The following PIEZO2 variants were observed in gnomAD, a reference collection of about 807,000 sequenced individuals.
PIEZO2 encodes the protein piezo type mechanosensitive ion channel component 2.
Under a neutral mutation model 337.3 loss-of-function variants are expected in PIEZO2, and 172 were observed. The ratio of observed to expected loss-of-function variants is 0.51; its 90% CI spans 0.45 to 0.58. PIEZO2 has a LOEUF of 0.58. PIEZO2 is among the 20% of genes least tolerant of loss of function. The pLI, the probability that PIEZO2 is intolerant of heterozygous loss-of-function variation, is 0.00. For synonymous variants in PIEZO2, 1,251 were observed against 1,228.5 expected (o/e 1.02, Z -0.38); for missense variants, 3,028 against 3,391.3 (o/e 0.89, Z 2.66).
At chr18:11,098,040 T>C (rs2039308267) in intron 1 of PIEZO2, among the ~76,000 whole-genome samples, 1 of 152,152 alleles carries the variant, frequency 6.6e-6, no homozygotes, top group African/African-American at 2.4e-5. Flanking sequence ...GAATCTATTT[T>C]AAGGAAATAA....
At chr18:11,058,445 GAGA>G (rs1234074435) in intron 2 of PIEZO2, among the ~76,000 whole-genome samples, 1 of 152,192 alleles carries the variant, frequency 6.6e-6, no homozygotes. Flanking sequence ...GACAAGTTGA[GAGA>G]AGAAGACTTC....
intron 31 of PIEZO2, among the ~76,000 whole-genome samples, chr18:10,742,819 T>C (rs1172114655): frequency 6.6e-6 from 1 of 152,162 alleles, no homozygotes; most frequent in Admixed American, 6.5e-5. Flanking sequence ...TGTGTGTGTG[T>C]GTGTGTGTGT....
chr18:10,975,815 TTTGAATACTAC>T (rs2034421472), intron 3 of PIEZO2, among the ~76,000 whole-genome samples: 2 of 152,228 alleles, frequency 1.3e-5, no homozygotes, highest in Admixed American at 1.3e-4. Context: ...TGGTCTTGAA[TTTGAATACTAC>T]TTGAATATGA....
intron 14 of PIEZO2, among the ~76,000 whole-genome samples, 175 bp downstream of exon 14, chr18:10,791,026 C>T (rs777851042): frequency 6.6e-6 from 1 of 152,130 alleles, no homozygotes; most frequent in Non-Finnish European, 1.5e-5. Context: ...TTTTAGCACT[C>T]CTGTGCAACT....
intron 51 of PIEZO2, 98 bp from the exon 52 acceptor site, chr18:10,680,469 G>C (rs1399775243): frequency 8.6e-7 from 1 of 1,168,664 alleles, no homozygotes; most frequent in Admixed American, 2.4e-5. Flanking sequence ...TATGGAAAAG[G>C]TTTCTCCCTT....
intron 43 of PIEZO2, 128 bp from the exon 44 acceptor site, chr18:10,699,305 T>C: frequency 7.9e-7 from 1 of 1,268,794 alleles, no homozygotes; most frequent in Non-Finnish European, 1.1e-6. Flanking sequence ...ATGGTTTGGC[T>C]GTGTCCCCAT....
intron 3 of PIEZO2, among the ~76,000 whole-genome samples, chr18:10,921,051 C>T (rs2031360930): frequency 1.3e-5 from 2 of 152,086 alleles, no homozygotes; most frequent in Admixed American, 1.3e-4. Context: ...GAAACTCCGT[C>T]TCAAAAACAA....
At position 10,969,785 on chromosome 18, in the gene PIEZO2, T is replaced by G. The variant is rs2034162607; in HGVS notation, c.286+9750A>C. On this transcript the variant is annotated intron_variant, in intron 3 of 55. Coordinates refer to ENST00000674853, the MANE Select transcript of PIEZO2 (RefSeq NM_001378183.1). This position sits in a 1 kb window ranked among gnomAD's most constrained non-coding sequence, Gnocchi z 4.5. Reference sequence around the variant, plus strand: ...GCTCCTGGCCAAGAGAGGGCATGGGTGCACTTAGCCGCTCTCCTCAATTGT... The same window carrying G: ...GCTCCTGGCCAAGAGAGGGCATGGGGGCACTTAGCCGCTCTCCTCAATTGT... Among the ~76,000 whole-genome samples, 1 of 151,908 alleles carries G rather than the reference T, an allele frequency of 6.6e-6. No homozygotes were observed. Among genetic ancestry groups the G allele is most frequent in the Admixed American group, 6.6e-5 (1 of 15,254 alleles).
intron 1 of PIEZO2, among the ~76,000 whole-genome samples, chr18:11,075,148 C>T (rs2038484892): frequency 6.6e-6 from 1 of 152,208 alleles, no homozygotes; most frequent in Admixed American, 6.5e-5. Flanking sequence ...TTAAAACGAA[C>T]TGACAAAACA....
intron 4 of PIEZO2, among the ~76,000 whole-genome samples, chr18:10,907,316 G>T (rs1490221555): frequency 6.6e-6 from 1 of 152,030 alleles, no homozygotes; most frequent in Non-Finnish European, 1.5e-5. Flanking sequence ...GATGGCGGGT[G>T]CATGTAATCT....
rs554365276 is a variant in PIEZO2, at chr18:10,900,902, T to G, written c.329+10284A>C. Among the ~76,000 whole-genome samples, 14 of 152,286 alleles carry G rather than the reference T, an allele frequency of 9.2e-5. No individual in the cohort carries two copies. In the East Asian group the frequency reaches 2.5e-3, roughly 27 times the overall value. The stretch of plus-strand genomic sequence containing the variant: ...GTCAGCCACTAGCAAAGATTCAGAG[T>G]TTTCCCTGGACCCATGCTAATTATA... On this transcript the variant is annotated intron_variant, in intron 4 of 55. Transcript: ENST00000674853.
At position 10,671,796 on chromosome 18, in the gene PIEZO2, G is replaced by C. The variant is rs765470920; in HGVS notation, c.8346-17C>G. 6.3e-7 allele frequency: 1 copy of C among 1,589,788 alleles called. No homozygotes were observed. On this transcript the variant is annotated splice_polypyrimidine_tract_variant and intron_variant, in intron 55 of 55. Coordinates refer to ENST00000674853, the MANE Select transcript of PIEZO2 (RefSeq NM_001378183.1). ...CCCATAATACTGAAAAAAACAGTAA[G>C]TAGAAATTGCATACAGCAGTTAAAT...
At position 10,856,101 on chromosome 18, in the gene PIEZO2, A is replaced by G. The variant is rs1216188034; in HGVS notation, c.704-535T>C. Among the ~76,000 whole-genome samples the G allele has an allele frequency of 2.0e-5, 3 of 151,952 alleles. No individual in the cohort carries two copies. The highest frequency in any genetic ancestry group is 4.2e-4 in the South Asian group (2 of 4,806). On this transcript the variant is annotated intron_variant, in intron 6 of 55. Transcript: ENST00000674853. This position sits in a 1 kb window ranked among gnomAD's most constrained non-coding sequence, Gnocchi z 4.7. ...TTTTTGTAGGGATGGGGTTTTGCCA[A>G]GTAGCGCAGGTTGGTCTTGAACTCC...
chr18:11,136,253 C>T (rs1002409779), intron 1 of PIEZO2, among the ~76,000 whole-genome samples: 3 of 152,164 alleles, frequency 2.0e-5, no homozygotes, highest in Admixed American at 1.3e-4. Context: ...ATGGCAACCA[C>T]GATGATGCTT....
chr18:10,838,070 A>T (rs1291589680), intron 7 of PIEZO2, among the ~76,000 whole-genome samples: 1 of 151,864 alleles, frequency 6.6e-6, no homozygotes, highest in African/African-American at 2.4e-5. Flanking sequence ...TCCATGTTAC[A>T]CAAGCGTCTC....
At chr18:11,141,259 G>A (rs1050843859) in intron 1 of PIEZO2, among the ~76,000 whole-genome samples, 7 of 152,210 alleles carry the variant, frequency 4.6e-5, no homozygotes, top group Non-Finnish European at 8.8e-5. Context: ...CTACAAGCCT[G>A]TTGGGCTAAT....
Position 10,853,101 on chromosome 18 carries a change from GGTGAGGGAAGAGCACTTCAA to G in PIEZO2, c.917+2232_917+2251del, listed in dbSNP as rs1201489330. ...GGTACATGACCTTGTAGGAGCATTC[GGTGAGGGAAGAGCACTTCAA>G]GTGAGCGAAGAGCACTTCAAGTGAG... On this transcript the variant is annotated intron_variant, in intron 7 of 55. Transcript: ENST00000674853. This position sits in a 1 kb window ranked among gnomAD's most constrained non-coding sequence, Gnocchi z 4.2. 1.3e-5 allele frequency among the ~76,000 whole-genome samples: 2 copies of G among 152,248 alleles called. No homozygotes were observed. The highest frequency in any genetic ancestry group is 2.4e-5 in the African/African-American group (1 of 41,548).
chr18:10,916,385 G>A (rs1334735842), intron 3 of PIEZO2, among the ~76,000 whole-genome samples: 1 of 152,162 alleles, frequency 6.6e-6, no homozygotes, highest in Non-Finnish European at 1.5e-5. Context: ...GCCAACCGCG[G>A]TAGGGCTCAG....
rs1438766090 is a variant in PIEZO2 at position 10,677,723 on chromosome 18, A to T, written c.8081+24T>A. 2.5e-6 allele frequency: 4 copies of T among 1,604,552 alleles called. No individual in the cohort carries two copies. Among genetic ancestry groups the T allele is most frequent in the Non-Finnish European group, 3.4e-6 (4 of 1,177,514 alleles). On this transcript the variant is annotated intron_variant, in intron 53 of 55. Transcript: ENST00000674853. The surrounding 1 kb of genome is among the most constrained non-coding windows in gnomAD (Gnocchi z 4.1). ...AGCTGCATATACCTAACAAAGCTCT[A>T]TTAGTAGGAAAAAATACACTTACAC...
Sources: gnomAD v4.1 joint callset for allele counts (sites outside exome capture counted in the v4.1 genomes callset) on GRCh38, gnomAD v4.1.1 for gene constraint, Gnocchi (gnomAD v3.1) non-coding constraint, MANE v1.5 for transcripts, NCBI Gene and HGNC (gene_info 2026-07-23, HGNC 2026-07-21) for gene names.